Variants in NOS1AP observed in about 807,000 individuals in gnomAD.
The protein encoded by NOS1AP is carboxyl-terminal PDZ ligand of neuronal nitric oxide synthase protein.
Under a neutral mutation model 56.2 loss-of-function variants are expected in NOS1AP, and 21 were observed. The ratio of observed to expected loss-of-function variants is 0.37; its 90% CI spans 0.26 to 0.54. The LOEUF is 0.54. Ranked by LOEUF, NOS1AP falls within the 20% of genes least tolerant of loss-of-function variation. The pLI is 0.84. For missense variants in NOS1AP, 522 were observed against 657.8 expected, an observed-to-expected ratio of 0.79 and a Z score of 2.26; for synonymous variants, 270 against 274.6, an observed-to-expected ratio of 0.98 and a Z score of 0.17.
At chr1:162,271,947 A>G (rs1654593343) in intron 2 of NOS1AP, among the ~76,000 whole-genome samples, 1 of 152,018 alleles carries the variant, frequency 6.6e-6, no homozygotes, top group South Asian at 2.1e-4. Context: ...GTGCAGTGGC[A>G]TGGCTCTATC....
chr1:162,237,347 C>T (rs1237074381), intron 2 of NOS1AP, among the ~76,000 whole-genome samples: 1 of 152,232 alleles, frequency 6.6e-6, no homozygotes, highest in African/African-American at 2.4e-5. Flanking sequence ...GAAGGCAGGA[C>T]ACCCTCTGAA....
chr1:162,160,125 C>G (rs1650140433), intron 2 of NOS1AP, among the ~76,000 whole-genome samples: 1 of 152,186 alleles, frequency 6.6e-6, no homozygotes, highest in Non-Finnish European at 1.5e-5. Context: ...TCAGGGGTAT[C>G]TGGTCTCCTG....
chr1:162,365,672 C>T, intron 9 of NOS1AP, 103 bp downstream of exon 9: 1 of 1,381,898 alleles, frequency 7.2e-7, no homozygotes. Flanking sequence ...CCCTGACCTA[C>T]CCCTATATTC....
chr1:162,325,013 A>G (rs1479482809), intron 4 of NOS1AP, among the ~76,000 whole-genome samples: 1 of 152,248 alleles, frequency 6.6e-6, no homozygotes, highest in Non-Finnish European at 1.5e-5. Context: ...TAAGGAGACC[A>G]GTTCCATGAG....
chr1:162,246,032 G>C (rs1401658806), intron 2 of NOS1AP, among the ~76,000 whole-genome samples: 1 of 152,208 alleles, frequency 6.6e-6, no homozygotes, highest in East Asian at 1.9e-4. Flanking sequence ...AAAGATGGCA[G>C]GCCAGGTGCC....
At chr1:162,366,866 G>A in intron 9 of NOS1AP, 186 bp from the exon 10 acceptor site, 1 of 689,492 alleles carries the variant, frequency 1.5e-6, no homozygotes, top group East Asian at 2.6e-5. Flanking sequence ...CCTCCAGCGA[G>A]GTGTGTCTGG....
intron 4 of NOS1AP, among the ~76,000 whole-genome samples, chr1:162,319,313 A>G (rs1342452178): frequency 6.6e-6 from 1 of 152,100 alleles, no homozygotes; most frequent in African/African-American, 2.4e-5. Flanking sequence ...TCTGTATTGC[A>G]GTAGGCTCTT....
In NOS1AP at chr1:162,078,316, T is replaced by A. The variant is rs77974760; in HGVS notation, c.105+8034T>A. On this transcript the variant is annotated intron_variant, in intron 1 of 9. Transcript: ENST00000361897. ...TCAAATTTCTCTTCTGACTTCATTG[T>A]CTTTTAACGACCCCACCATCCTCTT... Among the ~76,000 whole-genome samples, 614 of 152,316 alleles carry A rather than the reference T, an allele frequency of 4.0e-3. 8 individuals are homozygous for A. The East Asian group carries it at 0.048, about 12-fold the overall frequency.
chr1:162,152,855 G>C (rs547448378), intron 1 of NOS1AP, among the ~76,000 whole-genome samples: 1 of 152,112 alleles, frequency 6.6e-6, no homozygotes. Flanking sequence ...TCCCTTTCCC[G>C]CACAGATGTC....
chr1:162,144,737 T>C (rs6427653), intron 1 of NOS1AP, among the ~76,000 whole-genome samples: 143,392 of 152,284 alleles, frequency 0.94, 67,592 homozygotes, highest in East Asian at 0.99. Flanking sequence ...AGCTGAAGCT[T>C]TTATTCAGGA....
chr1:162,163,273 GAT>G (rs941574624), intron 2 of NOS1AP, among the ~76,000 whole-genome samples: 2 of 152,030 alleles, frequency 1.3e-5, no homozygotes, highest in Non-Finnish European at 2.9e-5. Context: ...GAAAACACTT[GAT>G]AGGGATTGAG....
chr1:162,155,456 T>G (rs34878529), intron 2 of NOS1AP, among the ~76,000 whole-genome samples: 107,527 of 141,224 alleles, frequency 0.76, 42,046 homozygotes, highest in Non-Finnish European at 0.85. Flanking sequence ...TATATATATA[T>G]AGAGAGAGAG....
intron 2 of NOS1AP, among the ~76,000 whole-genome samples, chr1:162,157,371 C>A (rs1650018165): frequency 6.6e-6 from 1 of 152,220 alleles, no homozygotes; most frequent in African/African-American, 2.4e-5. Context: ...TTACCCTAAA[C>A]CCCTCAATTC....
At chr1:162,364,513 T>C in intron 8 of NOS1AP, 1 of 985,480 alleles carries the variant, frequency 1.0e-6, no homozygotes. Context: ...TCCACATAAG[T>C]ATTGCTCACC....
chr1:162,110,497 G>C (rs79737224), intron 1 of NOS1AP, among the ~76,000 whole-genome samples: 1 of 152,150 alleles, frequency 6.6e-6, no homozygotes, highest in South Asian at 2.1e-4. Context: ...GGAATGGCTT[G>C]TCAAGTCTAA....
At chr1:162,299,619 AT>A (rs762893005) in intron 3 of NOS1AP, among the ~76,000 whole-genome samples, 17 of 152,206 alleles carry the variant, frequency 1.1e-4, no homozygotes, top group Non-Finnish European at 2.5e-4. Context: ...TTTTAAAAAA[AT>A]ATTTAGTTTT....
intron 1 of NOS1AP, among the ~76,000 whole-genome samples, chr1:162,132,930 C>T (rs1648814657): frequency 6.6e-6 from 1 of 152,222 alleles, no homozygotes; most frequent in African/African-American, 2.4e-5. Flanking sequence ...TTTGCTCTGG[C>T]TCTTCTGTCA....
At chr1:162,193,118 A>G (rs1430018746) in intron 2 of NOS1AP, among the ~76,000 whole-genome samples, 1 of 152,226 alleles carries the variant, frequency 6.6e-6, no homozygotes. Context: ...TCTTAACTGT[A>G]CTGAAAAGAT....
At chr1:162,303,168 A>C (rs954591169) in intron 4 of NOS1AP, among the ~76,000 whole-genome samples, 1 of 152,208 alleles carries the variant, frequency 6.6e-6, no homozygotes, top group African/African-American at 2.4e-5. Flanking sequence ...ATTATGTTCA[A>C]GTCTTTGCGT....
Sources: gnomAD v4.1 joint callset for allele counts (sites outside exome capture counted in the v4.1 genomes callset) on GRCh38, gnomAD v4.1.1 for gene constraint, MANE v1.5 for transcripts, NCBI Gene and HGNC (gene_info 2026-07-23, HGNC 2026-07-21) for gene names.